The following PAQR5 variants were observed in gnomAD, a reference collection of about 807,000 sequenced individuals.
PAQR5 encodes the protein membrane progestin receptor gamma.
PAQR5 carries 20 observed loss-of-function variants against 34.5 expected under a neutral mutation model. The observed-to-expected ratio is 0.58, with a 90% CI of 0.41 to 0.84. The LOEUF is 0.84. Among genes scored for constraint, PAQR5 ranks in the 40% least tolerant of loss-of-function variants. The pLI, the probability that PAQR5 is intolerant of heterozygous loss-of-function variation, is 0.00. For synonymous variants in PAQR5, 131 were observed against 155.6 expected (o/e 0.84, Z 1.18); for missense variants, 378 against 412.7 (o/e 0.92, Z 0.73).
intron 3 of PAQR5, among the ~76,000 whole-genome samples, chr15:69,363,461 GACA>G (rs949445263): frequency 1.7e-4 from 25 of 147,812 alleles, no homozygotes; most frequent in African/African-American, 5.7e-4. Context: ...CTAGAAAAAA[GACA>G]ACAAGTTCAT....
chr15:69,321,263 G>C (rs1165942256), intron 1 of PAQR5, among the ~76,000 whole-genome samples: 1 of 152,162 alleles, frequency 6.6e-6, no homozygotes, highest in South Asian at 2.1e-4. Flanking sequence ...GGTTTTTTCT[G>C]ACATTGTTAT....
At chr15:69,382,713 T>A (rs574602072) in intron 4 of PAQR5, 18 of 138,466 alleles carry the variant, frequency 1.3e-4, no homozygotes, top group African/African-American at 4.9e-4. Context: ...TATGTATGTA[T>A]GTATATATGT....
At chr15:69,339,766 C>A (rs2054597233) in intron 2 of PAQR5, among the ~76,000 whole-genome samples, 2 of 152,068 alleles carry the variant, frequency 1.3e-5, no homozygotes, top group African/African-American at 2.4e-5. Context: ...AGCCATTGAG[C>A]CCGGCCCCTC....
chr15:69,313,753 TGGTCACCCTGGGGTGGGGG>T (rs1321541396), intron 1 of PAQR5, among the ~76,000 whole-genome samples: 2 of 152,100 alleles, frequency 1.3e-5, no homozygotes, highest in Admixed American at 1.3e-4. Context: ...GGATGGCGAC[TGGTCACCCTGGGGTGGGGG>T]GGTGACAGGT....
intron 2 of PAQR5, among the ~76,000 whole-genome samples, chr15:69,339,944 G>A (rs1195842819): frequency 2.0e-5 from 3 of 152,096 alleles, no homozygotes; most frequent in South Asian, 2.1e-4. Context: ...TTGGCTCACC[G>A]CAACCTCTGC....
At chr15:69,364,620 CATTTCACCA>C (rs2055343048) in intron 3 of PAQR5, among the ~76,000 whole-genome samples, 1 of 132,714 alleles carries the variant, frequency 7.5e-6, no homozygotes, top group South Asian at 2.5e-4. Flanking sequence ...ATGCTTTTAA[CATTTCACCA>C]TTTAATATGG....
intron 2 of PAQR5, among the ~76,000 whole-genome samples, chr15:69,340,410 G>A (rs556715104): frequency 2.0e-5 from 3 of 152,114 alleles, no homozygotes; most frequent in African/African-American, 7.2e-5. Context: ...TAGATTTCAC[G>A]ATCCATTGAG....
intron 1 of PAQR5, among the ~76,000 whole-genome samples, chr15:69,325,438 T>C (rs924630922): frequency 5.3e-5 from 8 of 152,176 alleles, no homozygotes; most frequent in Admixed American, 5.2e-4. Context: ...ACTGCTTTAC[T>C]ATTAGATGTG....
intron 1 of PAQR5, among the ~76,000 whole-genome samples, chr15:69,304,006 G>A (rs948116559): frequency 2.0e-5 from 3 of 152,236 alleles, no homozygotes; most frequent in African/African-American, 7.2e-5. Context: ...ATTAGGCCTT[G>A]AAGGATATGT....
intron 3 of PAQR5, among the ~76,000 whole-genome samples, chr15:69,364,233 C>T (rs1340080433): frequency 1.3e-5 from 2 of 151,942 alleles, no homozygotes; most frequent in Non-Finnish European, 2.9e-5. Context: ...GCCATCTCAA[C>T]AGGTAAATGG....
intron 5 of PAQR5, among the ~76,000 whole-genome samples, chr15:69,386,701 C>T (rs2056119953): frequency 6.6e-6 from 1 of 151,840 alleles, no homozygotes; most frequent in Admixed American, 6.6e-5. Flanking sequence ...GGTCCTTTGA[C>T]CTCTCCTCTC....
intron 2 of PAQR5, among the ~76,000 whole-genome samples, chr15:69,350,772 A>C (rs1008235967): frequency 1.3e-5 from 2 of 152,192 alleles, no homozygotes; most frequent in Non-Finnish European, 2.9e-5. Flanking sequence ...TATAGACCCA[A>C]AAACCCTTGA....
chr15:69,302,327 C>T (rs2053624022), intron 1 of PAQR5, among the ~76,000 whole-genome samples: 4 of 152,110 alleles, frequency 2.6e-5, no homozygotes, highest in Admixed American at 2.6e-4. Flanking sequence ...TCTGCCTCTA[C>T]CTCCCAAAGT....
In PAQR5 at chr15:69,396,910, C is replaced by T. The variant is rs370973072; in HGVS notation, c.513-558C>T. 244 of 310,450 alleles carry T rather than the reference C, an allele frequency of 7.9e-4. 2 individuals carry two copies. The highest frequency in any genetic ancestry group is 5.0e-3 in the African/African-American group (227 of 45,532). 19.2% of individuals were successfully genotyped at this position (310,450 alleles called of 1,614,324 possible). A position where few individuals can be genotyped will look rare whatever the true frequency, so the allele number is the denominator to read the frequency against. ...TGGCAATGAAGAAGAGAAGGAAAGA[C>T]TTCACGTTTATTTAGTTTTCCCAAG... On this transcript the variant is annotated intron_variant, in intron 6 of 8. Coordinates refer to ENST00000395407, the MANE Select transcript of PAQR5 (RefSeq NM_017705.4).
At chr15:69,322,909 C>T (rs1040577357) in intron 1 of PAQR5, among the ~76,000 whole-genome samples, 5 of 149,380 alleles carry the variant, frequency 3.3e-5, no homozygotes, top group Non-Finnish European at 5.9e-5. Flanking sequence ...GTGCAAATAA[C>T]GAGCACAAAG....
At position 69,357,675 on chromosome 15, in the gene PAQR5, G is replaced by C. The variant is rs187951034; in HGVS notation, c.-115-2291G>C. Among the ~76,000 whole-genome samples, 3 of 152,244 alleles carry C rather than the reference G, an allele frequency of 2.0e-5. No homozygotes were observed. The East Asian group carries it at 5.8e-4, about 29-fold the overall frequency. On this transcript the variant is annotated intron_variant, in intron 2 of 8. Transcript: ENST00000395407. The stretch of plus-strand genomic sequence containing the variant: ...CCACCCTTTGAGTATTGTGAATAAT[G>C]CTTCTATTACTGTTTTTAAGAAAGA...
At chr15:69,300,969 T>C (rs866835460) in intron 1 of PAQR5, among the ~76,000 whole-genome samples, 6 of 73,508 alleles carry the variant, frequency 8.2e-5, no homozygotes, top group Middle Eastern at 5.3e-3. Flanking sequence ...CTTTCTTTCT[T>C]TCTTTCTTTC....
chr15:69,319,818 G>A (rs1171594690), intron 1 of PAQR5, among the ~76,000 whole-genome samples: 1 of 152,188 alleles, frequency 6.6e-6, no homozygotes, highest in African/African-American at 2.4e-5. Context: ...TTGTCTGGGG[G>A]TCTTGGTTCT....
chr15:69,379,736 G>A (rs1417987663), intron 3 of PAQR5, 147 bp from the exon 4 acceptor site: 1 of 1,224,652 alleles, frequency 8.2e-7, no homozygotes, highest in Non-Finnish European at 1.1e-6. Context: ...GCGAGGGAAG[G>A]AGAGAGTGAG....
Sources: allele counts gnomAD v4.1 joint callset (sites outside exome capture counted in the v4.1 genomes callset), GRCh38; gene constraint gnomAD v4.1.1; transcripts MANE v1.5; gene names NCBI Gene and HGNC (gene_info 2026-07-23, HGNC 2026-07-21).